TENM4: variants seen among roughly 807,000 people sequenced by gnomAD.
TENM4 encodes the protein teneurin-4.
Under a neutral mutation model 243.3 loss-of-function variants are expected in TENM4, and 82 were observed. The observed-to-expected ratio is 0.34, with a 90% CI of 0.28 to 0.40. TENM4 has a LOEUF of 0.40. Among genes scored for constraint, TENM4 ranks in the 10% least tolerant of loss-of-function variants. The probability of loss-of-function intolerance (pLI) is 1.00; values close to 1 mark genes in which losing one functional copy is unlikely to be tolerated. For missense variants in TENM4, 3,138 were observed against 3,673.3 expected (o/e 0.85, Z 3.77); for synonymous variants, 1,412 against 1,456.3 (o/e 0.97, Z 0.69).
chr11:78,855,982 G>C lies in TENM4; in HGVS notation c.1452C>G (p.Leu484=). Residue 484 remains leucine (L), a synonymous_variant, in exon 11 of 34, where the codon CTC becomes CTG. Transcript: ENST00000278550. ...ALVGIYGRKG[L]PPSHTQFDFV... is the part of the protein sequence containing the mutation. The stretch of plus-strand genomic sequence containing the variant: ...TGGTTACCTGTGTATGTGAAGGAGG[G>C]AGGCCTTTTCTGCCATAAATGCCAA... 3 of 1,551,594 alleles carry C rather than the reference G, an allele frequency of 1.9e-6. No individual in the cohort carries two copies. The highest frequency in any genetic ancestry group is 2.6e-6 in the Non-Finnish European group (3 of 1,146,998).
intron 1 of TENM4, among the ~76,000 whole-genome samples, chr11:79,335,666 G>A (rs529858608): frequency 1.3e-5 from 2 of 152,308 alleles, no homozygotes; most frequent in South Asian, 4.1e-4. Context: ...AATTCATGAG[G>A]TCTGTTCCAC....
chr11:78,709,945 G>A (rs2135796321), intron 26 of TENM4, among the ~76,000 whole-genome samples: 1 of 152,318 alleles, frequency 6.6e-6, no homozygotes, highest in South Asian at 2.1e-4. Context: ...GGATACAGAT[G>A]AGACATGGCC....
At position 78,732,316 on chromosome 11, in the gene TENM4, C is replaced by A; in HGVS notation, c.3138G>T (p.Gln1046His). 1 of 1,591,456 alleles carries A rather than the reference C, an allele frequency of 6.3e-7. No individual in the cohort carries two copies. Among genetic ancestry groups the A allele is most frequent in the Non-Finnish European group, 8.6e-7 (1 of 1,164,734 alleles). Residue 1046 changes from glutamine to histidine, a missense_variant and splice_region_variant, in exon 21 of 34, where the codon CAG (glutamine) becomes CAT (histidine). Around this residue, in one of 2 missense-constraint regions of TENM4, gnomAD observed 2,467 missense variants for 3,059.1 expected, o/e 0.81. Coordinates refer to ENST00000278550, the MANE Select transcript of TENM4 (RefSeq NM_001098816.3). ...GAATGCAATTAGGAAAGCTGGGTAC[C>A]TGAATTTCCGGCACAATGGGGCCTT... The part of the protein sequence containing the change: ...AEKGPIVPEI[Q>H]ALQEEISISG...
chr11:79,349,792 T>C (rs543206749), intron 1 of TENM4, among the ~76,000 whole-genome samples: 131 of 152,290 alleles, frequency 8.6e-4, no homozygotes, highest in African/African-American at 2.8e-3. Flanking sequence ...TTAATATTGC[T>C]GAATAAATAT....
intron 25 of TENM4, among the ~76,000 whole-genome samples, chr11:78,713,225 C>A (rs547239323): frequency 6.6e-6 from 1 of 152,302 alleles, no homozygotes; most frequent in South Asian, 2.1e-4. Flanking sequence ...GGCTCTGACT[C>A]CCGGTCAGCA....
intron 1 of TENM4, among the ~76,000 whole-genome samples, chr11:79,370,135 G>A (rs893059297): frequency 6.6e-6 from 1 of 152,222 alleles, no homozygotes; most frequent in Admixed American, 6.5e-5. Context: ...GATGGCCCCA[G>A]GAAGCAAAGC....
intron 6 of TENM4, among the ~76,000 whole-genome samples, chr11:79,004,894 A>T (rs1858437909): frequency 6.7e-6 from 1 of 150,046 alleles, no homozygotes; most frequent in Non-Finnish European, 1.5e-5. Flanking sequence ...AAATAAACAC[A>T]ATCAGAAATG....
At chr11:79,163,837 A>G (rs1862817954) in intron 3 of TENM4, among the ~76,000 whole-genome samples, 1 of 146,486 alleles carries the variant, frequency 6.8e-6, no homozygotes, top group Non-Finnish European at 1.5e-5. Context: ...GTGTACATAT[A>G]TATTATATAT....
At chr11:79,124,925 GTA>G (rs1390255266) in intron 4 of TENM4, among the ~76,000 whole-genome samples, 3 of 144,272 alleles carry the variant, frequency 2.1e-5, no homozygotes, top group Non-Finnish European at 3.0e-5. Context: ...GTGTGTGTAT[GTA>G]TATATATATA....
chr11:78,814,841 ATC>A lies in TENM4; in HGVS notation c.1682-448_1682-447del, dbSNP rs533422286. ...ATATAAAGCTACTGAGCATTTACAA[ATC>A]TGTCTTTTCCCACCTCTGGCTTTTC... On this transcript the variant is annotated intron_variant, in intron 12 of 33. Transcript: ENST00000278550. Among the ~76,000 whole-genome samples, 110 of 152,292 alleles carry A rather than the reference ATC, an allele frequency of 7.2e-4. 1 individual carries two copies. The highest frequency in any genetic ancestry group is 2.6e-3 in the African/African-American group (106 of 41,566).
At chr11:79,413,173 A>C (rs182887694) in intron 1 of TENM4, among the ~76,000 whole-genome samples, 2 of 152,368 alleles carry the variant, frequency 1.3e-5, no homozygotes, top group Admixed American at 1.3e-4. Flanking sequence ...ATGAAGTCAG[A>C]GTAAAAACAC....
At chr11:79,108,831 T>A (rs1465584421) in intron 4 of TENM4, among the ~76,000 whole-genome samples, 1 of 152,136 alleles carries the variant, frequency 6.6e-6, no homozygotes, top group Non-Finnish European at 1.5e-5. Context: ...GGTGGAAAAT[T>A]TAGCCAAGGA....
intron 2 of TENM4, among the ~76,000 whole-genome samples, chr11:79,229,672 C>G (rs1864338811): frequency 6.6e-6 from 1 of 152,164 alleles, no homozygotes; most frequent in South Asian, 2.1e-4. Context: ...TGTTCATTAA[C>G]TTGTTTATTG....
intron 6 of TENM4, among the ~76,000 whole-genome samples, chr11:79,031,066 T>G (rs372120496): frequency 6.6e-6 from 1 of 152,172 alleles, no homozygotes; most frequent in Non-Finnish European, 1.5e-5. Context: ...CACTGCATTG[T>G]AGGGACCACG....
chr11:79,297,387 C>G (rs1856473310), intron 2 of TENM4, 101 bp downstream of exon 2: 1 of 152,604 alleles, frequency 6.6e-6, no homozygotes, highest in African/African-American at 2.4e-5. Context: ...TTGCACAAAA[C>G]AGAAAAGTCA....
rs181678558 is a variant in TENM4 at position 78,663,133 on chromosome 11, C to G, written c.7409-1542G>C. The stretch of plus-strand genomic sequence containing the variant: ...GGCCAGAGGGAGACAGACAGACAGA[C>G]AGACAGCCTGTGTCCCAGCAGGCTC... On this transcript the variant is annotated intron_variant, in intron 32 of 33. Transcript: ENST00000278550. Among the ~76,000 whole-genome samples the G allele has an allele frequency of 7.3e-3, 1,111 of 152,294 alleles. 8 individuals carry two copies. The highest frequency in any genetic ancestry group is 0.01 in the Non-Finnish European group (702 of 68,016).
At chr11:78,739,097 CTTCCT>C (rs1211463199) in intron 19 of TENM4, among the ~76,000 whole-genome samples, 1 of 152,130 alleles carries the variant, frequency 6.6e-6, no homozygotes, top group Non-Finnish European at 1.5e-5. Flanking sequence ...AGAGAAGGTA[CTTCCT>C]TTCATCTGAC....
At chr11:78,916,151 G>T (rs1039323607) in intron 6 of TENM4, among the ~76,000 whole-genome samples, 5 of 152,144 alleles carry the variant, frequency 3.3e-5, no homozygotes, top group Admixed American at 2.6e-4. Context: ...TTGAAACCAG[G>T]GTTTACCACT....
At chr11:79,041,872 C>T (rs1399084368) in intron 6 of TENM4, among the ~76,000 whole-genome samples, 1 of 152,174 alleles carries the variant, frequency 6.6e-6, no homozygotes. Flanking sequence ...ACCTGGGTGC[C>T]AGCCCTCGCA....
Sources: gnomAD v4.1 joint callset for allele counts (sites outside exome capture counted in the v4.1 genomes callset) on GRCh38, gnomAD v4.1.1 for gene constraint, gnomAD v4.1.1 regional missense constraint, MANE v1.5 for transcripts, NCBI Gene and HGNC (gene_info 2026-07-23, HGNC 2026-07-21) for gene names.